KCNK9: variants seen among roughly 807,000 people sequenced by gnomAD.
KCNK9 encodes potassium channel subfamily K member 9.
KCNK9 carries 1 observed loss-of-function variant against 10.8 expected under a neutral mutation model. The observed-to-expected ratio is 0.09, with a 90% confidence interval of 0.03 to 0.44. The LOEUF is 0.44. Ranked by LOEUF, KCNK9 falls within the 20% of genes least tolerant of loss-of-function variation. The pLI is 0.97. For synonymous variants in KCNK9, 231 were observed against 222.7 expected, an observed-to-expected ratio of 1.04 and a Z score of -0.33; for missense variants, 303 against 515.0, an observed-to-expected ratio of 0.59 and a Z score of 3.98.
At chr8:139,672,098 C>T (rs559429249) in intron 1 of KCNK9, among the ~76,000 whole-genome samples, 1 of 152,296 alleles carries the variant, frequency 6.6e-6, no homozygotes, top group South Asian at 2.1e-4. Context: ...CCCCAGCAGC[C>T]ACTCACGGCA....
chr8:139,621,194 G>A lies in KCNK9; in HGVS notation c.284-2095C>T, dbSNP rs141400262. ...TAGCCCTAACTACACAGGAGGCTGA[G>A]GCAGGAGAATCACTTGAACCCAGGT... On this transcript the variant is annotated intron_variant, in intron 1 of 1. Transcript: ENST00000520439. 1.7e-3 allele frequency among the ~76,000 whole-genome samples: 255 copies of A among 152,146 alleles called. 2 individuals are homozygous for A. Among genetic ancestry groups the A allele is most frequent in the African/African-American group, 5.8e-3 (242 of 41,484 alleles).
At chr8:139,700,312 T>A (rs932692996) in intron 1 of KCNK9, among the ~76,000 whole-genome samples, 4 of 152,070 alleles carry the variant, frequency 2.6e-5, no homozygotes, top group East Asian at 1.9e-4. Context: ...TTGTGAGACA[T>A]CTCTTCTGCA....
rs1178685913 is a variant in KCNK9, at chr8:139,693,158, C to T, written c.283+9552G>A. On this transcript the variant is annotated intron_variant, in intron 1 of 1. Transcript: ENST00000520439. The surrounding 1 kb of genome is among the most constrained non-coding windows in gnomAD (Gnocchi z 4.1). ...CTGCAGGTAAAGGCCTCTCACCTTC[C>T]TGAGTGGGCTGCACCTCACATGTCT... Among the ~76,000 whole-genome samples, 2 of 152,164 alleles carry T rather than the reference C, an allele frequency of 1.3e-5. No individual in the cohort carries two copies. The highest frequency in any genetic ancestry group is 2.9e-5 in the Non-Finnish European group (2 of 68,042).
At position 139,618,134 on chromosome 8, in the gene KCNK9, A is replaced by C; in HGVS notation, c.*124T>G. On this transcript the variant is annotated 3_prime_UTR_variant, in exon 2 of 2. Transcript: ENST00000520439. The surrounding 1 kb of genome is among the most constrained non-coding windows in gnomAD (Gnocchi z 7.9). ...GAGACCAAGAGACCAAGAAAGGAGG[A>C]AGGAGAGAAAGTAATAATGATGACA... 6.0e-6 allele frequency: 8 copies of C among 1,335,470 alleles called. No individual in the cohort carries two copies. The highest frequency in any genetic ancestry group is 8.3e-6 in the Non-Finnish European group (8 of 962,366). The allele number at this position is 1,335,470 out of a possible 1,614,324, so 82.7% of individuals were successfully genotyped here. A position where few individuals can be genotyped will look rare whatever the true frequency, so the allele number is the denominator to read the frequency against.
downstream of KCNK9, chr8:139,616,341 G>A (rs535273907): frequency 1.3e-5 from 2 of 152,130 alleles, no homozygotes; most frequent in Non-Finnish European, 2.9e-5. Flanking sequence ...CCCAAGTAGG[G>A]CCTCCCATTA....
intron 1 of KCNK9, among the ~76,000 whole-genome samples, chr8:139,644,719 C>CT (rs370452578): frequency 7.3e-5 from 11 of 150,598 alleles, no homozygotes; most frequent in Middle Eastern, 6.9e-3. Flanking sequence ...GCCCTGTCCC[C>CT]CCCCCCCAGA....
intron 1 of KCNK9, among the ~76,000 whole-genome samples, chr8:139,659,798 G>C (rs1305930514): frequency 2.6e-5 from 4 of 151,348 alleles, no homozygotes; most frequent in Admixed American, 6.6e-5. Context: ...CTGGGAATAC[G>C]GGCGTGAGCC....
At chr8:139,607,749 G>A (rs1814275875), downstream of KCNK9, among the ~76,000 whole-genome samples, 1 of 152,128 alleles carries the variant, frequency 6.6e-6, no homozygotes, top group African/African-American at 2.4e-5. Context: ...TAGGAACCCA[G>A]CCCACTGCTG....
Position 139,618,479 on chromosome 8 carries a change from A to C in KCNK9, c.904T>G (p.Tyr302Asp), listed in dbSNP as rs1160792244. ...CGGCCGCCATAGTCCTGCGAGCGGTAGCAGGTGCAGGAGCACACAGACTGC... is the reference window on the plus strand; with the variant it reads ...CGGCCGCCATAGTCCTGCGAGCGGTCGCAGGTGCAGGAGCACACAGACTGC... ...DLQSVCSCTC[Y>D]RSQDYGGRSV... The change falls in exon 2 of 2, where the codon TAC becomes GAC. Residue 302 changes from tyrosine to aspartate, a missense_variant. Coordinates refer to ENST00000520439, the MANE Select transcript of KCNK9 (RefSeq NM_001282534.2). The surrounding 1 kb of genome is among the most constrained non-coding windows in gnomAD (Gnocchi z 7.9). 6.2e-7 allele frequency: 1 copy of C among 1,613,810 alleles called. No homozygotes were observed. The highest frequency in any genetic ancestry group is 8.5e-7 in the Non-Finnish European group (1 of 1,180,034).
chr8:139,626,519 G>A (rs201253346), intron 1 of KCNK9, among the ~76,000 whole-genome samples: 5 of 152,118 alleles, frequency 3.3e-5, no homozygotes, highest in Non-Finnish European at 2.9e-5. Flanking sequence ...AGCCCTGACC[G>A]TGCCCTCGGA....
Position 139,617,883 on chromosome 8 carries a change from T to TG in KCNK9, c.*374dup, listed in dbSNP as rs1814648556. The stretch of plus-strand genomic sequence containing the variant: ...GAAGGCTGAGCGTGATGTGCAGCTT[T>TG]GGGGTGGGTATCCTCTCAGCTCTGT... On this transcript the variant is annotated 3_prime_UTR_variant, in exon 2 of 2. Coordinates refer to ENST00000520439, the MANE Select transcript of KCNK9 (RefSeq NM_001282534.2). The TG allele has an allele frequency of 1.3e-5, 4 of 311,228 alleles. No individual in the cohort carries two copies. The highest frequency in any genetic ancestry group is 8.4e-5 in the East Asian group (1 of 11,912). 19.3% of individuals were successfully genotyped at this position (311,228 alleles called of 1,614,324 possible). A position where few individuals can be genotyped will look rare whatever the true frequency, so the allele number is the denominator to read the frequency against.
At chr8:139,647,021 T>C (rs1815709148) in intron 1 of KCNK9, among the ~76,000 whole-genome samples, 1 of 152,238 alleles carries the variant, frequency 6.6e-6, no homozygotes, top group Non-Finnish European at 1.5e-5. Context: ...TGGGTCCATC[T>C]GGGCACTGGG....
Position 139,618,819 on chromosome 8 carries a change from G to A in KCNK9, c.564C>T (p.His188=), listed in dbSNP as rs1297426024. ...FSQCEEWSFF[H]AYYYCFITLT... The stretch of plus-strand genomic sequence containing the variant: ...ACGTGATGAAGCAGTAGTAGTAGGC[G>A]TGGAAGAAGCTCCACTCCTCACACT... The change falls in exon 2 of 2, where the codon CAC becomes CAT. Residue 188 remains histidine, a synonymous_variant. Transcript: ENST00000520439. This position sits in a 1 kb window ranked among gnomAD's most constrained non-coding sequence, Gnocchi z 7.9. 2.5e-6 allele frequency: 4 copies of A among 1,614,208 alleles called. No homozygotes were observed. Among genetic ancestry groups the A allele is most frequent in the East Asian group, 2.2e-5 (1 of 44,878 alleles).
chr8:139,678,517 G>A lies in KCNK9; in HGVS notation c.283+24193C>T, dbSNP rs553489231. On this transcript the variant is annotated intron_variant, in intron 1 of 1. Transcript: ENST00000520439. The stretch of plus-strand genomic sequence containing the variant: ...TCCGGGGCCTTCACAGGGCCCTTCT[G>A]TTCTTCCAGGATGAGGCTCAGGAAG... Among the ~76,000 whole-genome samples, 14 of 152,352 alleles carry A rather than the reference G, an allele frequency of 9.2e-5. No homozygotes were observed. In the East Asian group the frequency reaches 2.3e-3, roughly 25 times the overall value.
intron 1 of KCNK9, among the ~76,000 whole-genome samples, chr8:139,650,921 C>A (rs1323695677): frequency 6.6e-6 from 1 of 152,134 alleles, no homozygotes; most frequent in African/African-American, 2.4e-5. Flanking sequence ...CAGAATGTGC[C>A]CGGGTGGCCT....
At chr8:139,609,429 T>C (rs1814351128), downstream of KCNK9, among the ~76,000 whole-genome samples, 1 of 152,172 alleles carries the variant, frequency 6.6e-6, no homozygotes, top group Admixed American at 6.5e-5. Context: ...GGACATATTC[T>C]CCCAGGAAGC....
chr8:139,646,462 G>A (rs1815686721), intron 1 of KCNK9, among the ~76,000 whole-genome samples: 2 of 152,268 alleles, frequency 1.3e-5, no homozygotes, highest in Admixed American at 6.5e-5. Context: ...AGCATGGAAG[G>A]AGGCCTCCAG....
chr8:139,635,357 A>G (rs975345851), intron 1 of KCNK9, among the ~76,000 whole-genome samples: 39 of 152,222 alleles, frequency 2.6e-4, no homozygotes, highest in African/African-American at 9.4e-4. Context: ...AGCGTTGCTC[A>G]CTGTCCCCTG....
chr8:139,685,280 ATT>A (rs1192546877), intron 1 of KCNK9, among the ~76,000 whole-genome samples: 1 of 152,054 alleles, frequency 6.6e-6, no homozygotes, highest in Non-Finnish European at 1.5e-5. Flanking sequence ...TTATTTATTT[ATT>A]TTTATTTTTT....
Sources: allele counts gnomAD v4.1 joint callset (sites outside exome capture counted in the v4.1 genomes callset), GRCh38; gene constraint gnomAD v4.1.1; non-coding constraint Gnocchi (gnomAD v3.1); transcripts MANE v1.5; gene names NCBI Gene and HGNC (gene_info 2026-07-23, HGNC 2026-07-21).